Variants in PARD3 observed in about 807,000 individuals in gnomAD.
The protein encoded by PARD3 is par-3 family cell polarity regulator.
In PARD3, 75 loss-of-function variants were observed where a neutral mutation model predicts 155.4. The ratio of observed to expected loss-of-function variants is 0.48; its 90% CI spans 0.40 to 0.58. PARD3 has a LOEUF of 0.58. PARD3 is among the 20% of genes least tolerant of loss of function. The pLI is 0.00. For missense variants in PARD3, 1,642 were observed against 1,721.7 expected (o/e 0.95, Z 0.82); for synonymous variants, 576 against 610.5 (o/e 0.94, Z 0.83).
chr10:34,681,735 TA>T (rs2133341170), intron 2 of PARD3, among the ~76,000 whole-genome samples: 1 of 12,304 alleles, frequency 8.1e-5, no homozygotes, highest in East Asian at 1.8e-3. Flanking sequence ...GTATTTTATA[TA>T]TATATATATA....
At chr10:34,688,852 T>TA (rs1160742906) in intron 2 of PARD3, among the ~76,000 whole-genome samples, 3 of 152,214 alleles carry the variant, frequency 2.0e-5, no homozygotes, top group Admixed American at 1.3e-4. Context: ...TTCCCCTCCA[T>TA]AAAAAATAAG....
At chr10:34,463,567 A>G (rs2077816734) in intron 4 of PARD3, among the ~76,000 whole-genome samples, 1 of 152,210 alleles carries the variant, frequency 6.6e-6, no homozygotes, top group African/African-American at 2.4e-5. Context: ...AAAAGACTCA[A>G]AATTAATTTT....
intron 22 of PARD3, among the ~76,000 whole-genome samples, chr10:34,165,164 G>A (rs1449550592): frequency 1.3e-5 from 2 of 152,024 alleles, no homozygotes; most frequent in Non-Finnish European, 2.9e-5. Flanking sequence ...AAACTTGTCA[G>A]ACTCATCCTT....
intron 5 of PARD3, among the ~76,000 whole-genome samples, chr10:34,441,348 C>T (rs1028340067): frequency 1.3e-5 from 2 of 152,194 alleles, no homozygotes; most frequent in African/African-American, 4.8e-5. Flanking sequence ...GTCACTTCAG[C>T]TTTGCCCACA....
intron 5 of PARD3, among the ~76,000 whole-genome samples, chr10:34,435,461 G>A (rs930706296): frequency 1.3e-5 from 2 of 152,158 alleles, no homozygotes; most frequent in African/African-American, 4.8e-5. Flanking sequence ...ATCCAAATAG[G>A]TAGTAAGATA....
intron 3 of PARD3, among the ~76,000 whole-genome samples, chr10:34,498,083 A>G (rs1361412696): frequency 6.6e-6 from 1 of 152,204 alleles, no homozygotes; most frequent in East Asian, 1.9e-4. Flanking sequence ...AAGATGTTCA[A>G]AAAGATTATA....
intron 1 of PARD3, among the ~76,000 whole-genome samples, chr10:34,768,570 TG>T (rs1156861714): frequency 3.9e-5 from 6 of 152,246 alleles, no homozygotes; most frequent in African/African-American, 1.4e-4. Context: ...TTGAATAGAA[TG>T]GGCGGCAGGT....
intron 22 of PARD3, among the ~76,000 whole-genome samples, chr10:34,177,728 G>A (rs1290002): frequency 0.22 from 33,131 of 152,050 alleles, 4,658 homozygotes; most frequent in Non-Finnish European, 0.29. Context: ...GGAAGCCCAC[G>A]CCAGTCAGGA....
intron 1 of PARD3, among the ~76,000 whole-genome samples, chr10:34,763,181 C>T (rs1490333259): frequency 6.6e-6 from 1 of 152,146 alleles, no homozygotes; most frequent in Non-Finnish European, 1.5e-5. Flanking sequence ...GACAGTCCCA[C>T]AAAAGGAAGA....
At chr10:34,351,022 G>A (rs1220644471) in intron 14 of PARD3, among the ~76,000 whole-genome samples, 1 of 152,150 alleles carries the variant, frequency 6.6e-6, no homozygotes, top group African/African-American at 2.4e-5. Context: ...TAAGCTAAGT[G>A]AATAATGAAA....
At chr10:34,283,949 T>C (rs2133932244) in intron 21 of PARD3, among the ~76,000 whole-genome samples, 186 bp downstream of exon 21, 1 of 151,542 alleles carries the variant, frequency 6.6e-6, no homozygotes, top group East Asian at 1.9e-4. Context: ...CACAAATACA[T>C]ATAAGGTTTT....
intron 20 of PARD3, among the ~76,000 whole-genome samples, chr10:34,305,798 TGA>T (rs1957377147): frequency 1.3e-5 from 2 of 152,036 alleles, no homozygotes; most frequent in Non-Finnish European, 2.9e-5. Flanking sequence ...GGCAATAAAG[TGA>T]GACCGTGTCT....
chr10:34,649,549 C>T (rs1444438614), intron 2 of PARD3, among the ~76,000 whole-genome samples: 2 of 152,204 alleles, frequency 1.3e-5, no homozygotes, highest in East Asian at 1.9e-4. Flanking sequence ...TGATGGTATG[C>T]CCATGCAGGG....
intron 2 of PARD3, among the ~76,000 whole-genome samples, chr10:34,587,200 T>C (rs1296321450): frequency 6.6e-6 from 1 of 152,116 alleles, no homozygotes; most frequent in Admixed American, 6.5e-5. Flanking sequence ...CTCGACTCAC[T>C]ACAACCTCCA....
intron 1 of PARD3, among the ~76,000 whole-genome samples, chr10:34,788,188 T>A (rs1467689305): frequency 6.6e-6 from 1 of 152,088 alleles, no homozygotes; most frequent in Non-Finnish European, 1.5e-5. Flanking sequence ...AACTTTTGAA[T>A]TTCACTCCAT....
chr10:34,630,643 G>A (rs145291105), intron 2 of PARD3, among the ~76,000 whole-genome samples: 1,557 of 151,596 alleles, frequency 0.01, 10 homozygotes, highest in Middle Eastern at 0.024. Flanking sequence ...TGGAGTCAGC[G>A]TTTCACCATG....
intron 2 of PARD3, among the ~76,000 whole-genome samples, chr10:34,590,653 A>G (rs2088594942): frequency 6.6e-6 from 1 of 152,180 alleles, no homozygotes; most frequent in Admixed American, 6.5e-5. Flanking sequence ...TCTCGCTGTC[A>G]GCTAAGGATC....
At chr10:34,714,768 C>T (rs1431461175) in intron 1 of PARD3, among the ~76,000 whole-genome samples, 2 of 137,332 alleles carry the variant, frequency 1.5e-5, no homozygotes, top group Admixed American at 8.2e-5. Flanking sequence ...AAAGAACACA[C>T]ATCAAAATTT....
intron 22 of PARD3, among the ~76,000 whole-genome samples, chr10:34,149,095 T>C (rs1948660607): frequency 6.6e-6 from 1 of 152,140 alleles, no homozygotes; most frequent in Admixed American, 6.5e-5. Context: ...AGCTGAATCT[T>C]ATAATTGATT....
Sources: allele counts gnomAD v4.1 joint callset (sites outside exome capture counted in the v4.1 genomes callset), GRCh38; gene constraint gnomAD v4.1.1; transcripts MANE v1.5; gene names NCBI Gene and HGNC (gene_info 2026-07-23, HGNC 2026-07-21).